Variants in SHROOM3 observed in about 807,000 individuals in gnomAD.
SHROOM3 encodes the protein protein Shroom3.
A neutral mutation model predicts 138.6 loss-of-function variants in SHROOM3; 47 were observed. That is an observed-to-expected ratio of 0.34 (90% CI 0.27 to 0.43). The LOEUF (loss-of-function observed/expected upper bound fraction) is 0.43, where lower values mean the gene tolerates loss of function less well. SHROOM3 is among the 20% of genes least tolerant of loss of function. SHROOM3 has a pLI of 1.00. For synonymous variants in SHROOM3, 1,062 were observed against 1,063.3 expected (o/e 1.00, Z 0.02); for missense variants, 2,491 against 2,596.5 (o/e 0.96, Z 0.88).
At chr4:76,759,809 A>T in intron 9 of SHROOM3, 114 bp downstream of exon 9, 1 of 1,238,060 alleles carries the variant, frequency 8.1e-7, no homozygotes, top group Non-Finnish European at 1.2e-6. Flanking sequence ...GACCTGTCAC[A>T]TCACCAGATT....
intron 2 of SHROOM3, among the ~76,000 whole-genome samples, chr4:76,676,818 CT>C (rs1370431859): frequency 6.6e-6 from 1 of 151,950 alleles, no homozygotes; most frequent in Non-Finnish European, 1.5e-5. Flanking sequence ...TGGCCGGCGC[CT>C]GTAGTCCCAG....
rs532874421 is a variant in SHROOM3 at position 76,593,382 on chromosome 4, G to C, written c.323+37619G>C. 1.2e-3 allele frequency among the ~76,000 whole-genome samples: 186 copies of C among 152,292 alleles called. 2 individuals are homozygous for C. Among genetic ancestry groups the C allele is most frequent in the African/African-American group, 4.3e-3 (180 of 41,544 alleles). On this transcript the variant is annotated intron_variant, in intron 2 of 10. Coordinates refer to ENST00000296043, the MANE Select transcript of SHROOM3 (RefSeq NM_020859.4). Reference sequence around the variant, plus strand: ...CAGAGATCATGTAATTAATGACCCAGAAAGGTACCATGTTTTTACCTCTTC... The same window carrying C: ...CAGAGATCATGTAATTAATGACCCACAAAGGTACCATGTTTTTACCTCTTC...
intron 7 of SHROOM3, 77 bp from the exon 8 acceptor site, chr4:76,756,372 T>G: frequency 6.6e-7 from 1 of 1,523,184 alleles, no homozygotes; most frequent in South Asian, 1.2e-5. Flanking sequence ...TTCTCCACCC[T>G]CTTATCATCA....
At chr4:76,627,604 A>G (rs142035486) in intron 2 of SHROOM3, among the ~76,000 whole-genome samples, 1 of 152,140 alleles carries the variant, frequency 6.6e-6, no homozygotes, top group African/African-American at 2.4e-5. Context: ...AAAATTATCC[A>G]CAAAGCCTAT....
chr4:76,515,460 A>C (rs1231369420), intron 1 of SHROOM3, among the ~76,000 whole-genome samples: 1 of 152,134 alleles, frequency 6.6e-6, no homozygotes, highest in African/African-American at 2.4e-5. Context: ...TTTTCAACAC[A>C]ATAGAAATTT....
intron 1 of SHROOM3, among the ~76,000 whole-genome samples, chr4:76,479,767 G>A (rs1357245457): frequency 6.6e-6 from 1 of 152,192 alleles, no homozygotes; most frequent in Non-Finnish European, 1.5e-5. Flanking sequence ...AGCCCATCAG[G>A]CTAACAGTGG....
At chr4:76,686,998 C>G (rs1373397208) in intron 2 of SHROOM3, among the ~76,000 whole-genome samples, 1 of 152,188 alleles carries the variant, frequency 6.6e-6, no homozygotes, top group Non-Finnish European at 1.5e-5. Flanking sequence ...TCCAGTCTCT[C>G]TGGTCTTTCC....
At chr4:76,475,281 T>A (rs560360971) in intron 1 of SHROOM3, among the ~76,000 whole-genome samples, 1 of 152,176 alleles carries the variant, frequency 6.6e-6, no homozygotes, top group Non-Finnish European at 1.5e-5. Flanking sequence ...TATTTCTGAT[T>A]TGGAGAACTG....
chr4:76,743,645 G>C (rs1323164382), intron 5 of SHROOM3, among the ~76,000 whole-genome samples: 1 of 152,154 alleles, frequency 6.6e-6, no homozygotes, highest in Non-Finnish European at 1.5e-5. Context: ...TGGAGCTTAA[G>C]TGCACATCAG....
intron 2 of SHROOM3, among the ~76,000 whole-genome samples, chr4:76,560,134 T>G (rs764298489): frequency 1.1e-4 from 16 of 152,196 alleles, no homozygotes; most frequent in Non-Finnish European, 2.4e-4. Context: ...AGAATCATAC[T>G]CCAAATCCTC....
At chr4:76,492,910 G>A (rs1731883694) in intron 1 of SHROOM3, among the ~76,000 whole-genome samples, 1 of 152,094 alleles carries the variant, frequency 6.6e-6, no homozygotes. Context: ...GTGGGATTCT[G>A]GGTGGAGATG....
rs1051145509 is a variant in SHROOM3 at position 76,782,652 on chromosome 4, G to T, written c.*3475G>T. ...ATGGTAGTGCTGGCTTCATTGTTAGGTTGGAGTTATTATTTTCCTTTTAGA... is the reference window on the plus strand; with the variant it reads ...ATGGTAGTGCTGGCTTCATTGTTAGTTTGGAGTTATTATTTTCCTTTTAGA... On this transcript the variant is annotated 3_prime_UTR_variant, in exon 11 of 11. Transcript: ENST00000296043. 1 of 152,118 alleles carries T rather than the reference G, an allele frequency of 6.6e-6. No individual in the cohort carries two copies. The highest frequency in any genetic ancestry group is 2.4e-5 in the African/African-American group (1 of 41,422). The allele number at this position is 152,118 out of a possible 1,614,324, so 9.4% of individuals were successfully genotyped here.
chr4:76,520,072 A>G (rs1283093358), intron 1 of SHROOM3, among the ~76,000 whole-genome samples: 1 of 152,196 alleles, frequency 6.6e-6, no homozygotes, highest in African/African-American at 2.4e-5. Flanking sequence ...CCAGAGTGGA[A>G]CTGAATACTC....
chr4:76,636,336 C>G (rs952157119), intron 2 of SHROOM3, among the ~76,000 whole-genome samples: 1 of 152,140 alleles, frequency 6.6e-6, no homozygotes, highest in Non-Finnish European at 1.5e-5. Context: ...AATACTCCAA[C>G]CATTAGGAAC....
chr4:76,561,577 A>G (rs1173692537), intron 2 of SHROOM3, among the ~76,000 whole-genome samples: 1 of 151,128 alleles, frequency 6.6e-6, no homozygotes, highest in Non-Finnish European at 1.5e-5. Context: ...ATAAGAGTCT[A>G]GTTCTTCGAG....
At chr4:76,724,058 T>C (rs956016055) in intron 3 of SHROOM3, among the ~76,000 whole-genome samples, 14 of 152,230 alleles carry the variant, frequency 9.2e-5, no homozygotes, top group African/African-American at 3.1e-4. Flanking sequence ...AGAAACTTGT[T>C]TTGCATTCCT....
chr4:76,474,616 C>A (rs1731443855), intron 1 of SHROOM3, among the ~76,000 whole-genome samples: 1 of 151,906 alleles, frequency 6.6e-6, no homozygotes, highest in Non-Finnish European at 1.5e-5. Flanking sequence ...CAGTAGAGAA[C>A]CATTAAAGAT....
intron 3 of SHROOM3, chr4:76,716,089 G>T (rs1560600068): frequency 3.8e-6 from 1 of 263,642 alleles, no homozygotes; most frequent in African/African-American, 2.2e-5. Context: ...ATAGGCTATT[G>T]TTCAAGATGC....
Position 76,756,737 on chromosome 4 carries a change from C to T in SHROOM3, c.4998C>T (p.Ile1666=). Residue 1666 remains isoleucine, a synonymous_variant, in exon 8 of 11, where the codon ATC becomes ATT. Coordinates refer to ENST00000296043, the MANE Select transcript of SHROOM3 (RefSeq NM_020859.4). The part of the protein sequence containing the change: ...SPDPQKSSED[I]RTEALAKEIV... Reference sequence around the variant, plus strand: ...ATCCTCAGAAGAGTTCAGAAGACATCAGAACAGAGGCTTTGGCCAAGGAAA... The same window carrying T: ...ATCCTCAGAAGAGTTCAGAAGACATTAGAACAGAGGCTTTGGCCAAGGAAA... 3.7e-6 allele frequency: 6 copies of T among 1,614,126 alleles called. No individual in the cohort carries two copies. Among genetic ancestry groups the T allele is most frequent in the African/African-American group, 1.3e-5 (1 of 75,036 alleles).
Sources: gnomAD v4.1 joint callset for allele counts (sites outside exome capture counted in the v4.1 genomes callset) on GRCh38, gnomAD v4.1.1 for gene constraint, MANE v1.5 for transcripts, NCBI Gene and HGNC (gene_info 2026-07-23, HGNC 2026-07-21) for gene names.